CLIC5: variants seen among roughly 807,000 people sequenced by gnomAD.
CLIC5 encodes CLIC family member 5.
Under a neutral mutation model 24.7 loss-of-function variants are expected in CLIC5, and 20 were observed. That is an observed-to-expected ratio of 0.81 (90% confidence interval 0.57 to 1.18). The LOEUF is 1.18. CLIC5 is among the 50% of genes most tolerant of loss of function. CLIC5 has a pLI of 0.00. For synonymous variants in CLIC5, 159 were observed against 135.6 expected (o/e 1.17, Z -1.20); for missense variants, 341 against 326.1 (o/e 1.05, Z -0.35).
At chr6:45,987,324 A>G (rs978033090) in intron 1 of CLIC5, among the ~76,000 whole-genome samples, 1 of 152,182 alleles carries the variant, frequency 6.6e-6, no homozygotes, top group Admixed American at 6.5e-5. Context: ...GTTGGTGTGC[A>G]CACCTAAGCT....
At chr6:45,979,081 C>G (rs1009861310) in intron 1 of CLIC5, among the ~76,000 whole-genome samples, 3 of 152,086 alleles carry the variant, frequency 2.0e-5, no homozygotes, top group Non-Finnish European at 2.9e-5. Flanking sequence ...GGTTAGACAA[C>G]ACTAAGTGGA....
At chr6:45,957,807 ATTGT>A (rs1421778111) in intron 1 of CLIC5, among the ~76,000 whole-genome samples, 2 of 152,190 alleles carry the variant, frequency 1.3e-5, no homozygotes, top group African/African-American at 4.8e-5. Flanking sequence ...GCCCTAAGAA[ATTGT>A]TTGTTAAACT....
the CLIC5 span, among the ~76,000 whole-genome samples, chr6:46,093,503 C>T: frequency 3.9e-5 from 6 of 152,248 alleles, no homozygotes; most frequent in Admixed American, 1.3e-4. Context: ...TTTTGCATAA[C>T]ATTTTGCACA....
intron 1 of CLIC5, among the ~76,000 whole-genome samples, chr6:45,956,550 G>T (rs1231235014): frequency 6.6e-6 from 1 of 151,256 alleles, no homozygotes; most frequent in Non-Finnish European, 1.5e-5. Context: ...CTCCCTTGAG[G>T]TTTGTTTTGC....
chr6:45,894,207 G>A (rs986654433), downstream of CLIC5, among the ~76,000 whole-genome samples: 3 of 152,218 alleles, frequency 2.0e-5, no homozygotes, highest in Non-Finnish European at 4.4e-5. Context: ...CAATACTGGT[G>A]ATGATGTGAG....
chr6:46,015,345 G>C (rs1197860963), intron 1 of CLIC5, 135 bp downstream of exon 1: 1 of 873,428 alleles, frequency 1.1e-6, no homozygotes, highest in Non-Finnish European at 1.6e-6. Context: ...GCTGGCCTGC[G>C]GAAAGGCCAC....
intron 6 of CLIC5, among the ~76,000 whole-genome samples, chr6:45,881,613 T>A (rs554336040): frequency 1.5e-3 from 223 of 152,168 alleles, no homozygotes; most frequent in Non-Finnish European, 2.8e-3. Context: ...TGTTTTGGGG[T>A]TACCAGAAAT....
chr6:46,129,352 A>G, the CLIC5 span, among the ~76,000 whole-genome samples: 2,635 of 152,328 alleles, frequency 0.017, 40 homozygotes, highest in Non-Finnish European at 0.024. Flanking sequence ...GTTTAGTTAC[A>G]TTATTCTATT....
intron 1 of CLIC5, among the ~76,000 whole-genome samples, chr6:46,071,262 A>C (rs1048597974): frequency 6.6e-6 from 1 of 152,212 alleles, no homozygotes; most frequent in Non-Finnish European, 1.5e-5. Context: ...TGAACAGCAA[A>C]AGAAACTATC....
chr6:45,994,323 A>G (rs1439226053), intron 1 of CLIC5, among the ~76,000 whole-genome samples: 2 of 152,246 alleles, frequency 1.3e-5, no homozygotes, highest in Non-Finnish European at 2.9e-5. Flanking sequence ...AAAATGAATG[A>G]GATCATGTCT....
At chr6:45,978,338 G>A (rs1765454372) in intron 1 of CLIC5, among the ~76,000 whole-genome samples, 1 of 152,104 alleles carries the variant, frequency 6.6e-6, no homozygotes, top group Admixed American at 6.5e-5. Context: ...CTCTTTGACT[G>A]GGGATGGCTA....
Position 45,974,552 on chromosome 6 carries a change from GAGAGAGAGAGAGAA to G in CLIC5, c.64-19322_64-19309del, listed in dbSNP as rs1422267377. ...AGAGAGAGAGAGAGAGAGAGAGAGA[GAGAGAGAGAGAGAA>G]AGAGAGAGAGAGAGGGCATGCCATA... On this transcript the variant is annotated intron_variant, in intron 1 of 5. Coordinates refer to ENST00000339561, the MANE Select transcript of CLIC5 (RefSeq NM_016929.5). Among the ~76,000 whole-genome samples, 63 of 139,788 alleles carry G rather than the reference GAGAGAGAGAGAGAA, an allele frequency of 4.5e-4. 1 individual carries two copies. Among genetic ancestry groups the G allele is most frequent in the African/African-American group, 1.5e-3 (54 of 36,504 alleles). 91.7% of individuals were successfully genotyped at this position (139,788 alleles called of 152,430 possible).
chr6:46,000,632 A>G (rs1480207490), intron 1 of CLIC5, among the ~76,000 whole-genome samples: 1 of 152,176 alleles, frequency 6.6e-6, no homozygotes, highest in Admixed American at 6.5e-5. Flanking sequence ...ACCTCAGGAA[A>G]CTTACAATCA....
rs115251449 is a variant in CLIC5, at chr6:45,945,236, A to G, written c.300-3583T>C. ...AGGCTCATTAGTATTATTTTTTACA[A>G]TAGCCCTATAAGATCAACAGTATGG... is the stretch of plus-strand genomic sequence containing the variant. On this transcript the variant is annotated intron_variant, in intron 3 of 5. Transcript: ENST00000339561. Among the ~76,000 whole-genome samples the G allele has an allele frequency of 7.3e-3, 1,113 of 152,326 alleles. 10 individuals are homozygous for G. The highest frequency in any genetic ancestry group is 0.013 in the Non-Finnish European group (868 of 68,030).
chr6:46,047,419 A>G lies in CLIC5; in HGVS notation c.540+32284T>C, dbSNP rs920320737. Among the ~76,000 whole-genome samples the G allele has an allele frequency of 5.9e-5, 9 of 152,316 alleles. No homozygotes were observed. In the South Asian group the frequency reaches 1.9e-3, roughly 32 times the overall value. On this transcript the variant is annotated intron_variant, in intron 1 of 5. Coordinates refer to the CLIC5 transcript ENST00000185206. The stretch of plus-strand genomic sequence containing the variant: ...GTATCCTATGGCATCAGCACCAGAA[A>G]TATGCAGGATATGAAGATTGAAATT...
intron 6 of CLIC5, among the ~76,000 whole-genome samples, chr6:45,887,868 G>A (rs962968187): frequency 3.9e-5 from 6 of 152,170 alleles, no homozygotes; most frequent in African/African-American, 1.4e-4. Context: ...GTACCTAATT[G>A]TCACAAGAAG....
intron 1 of CLIC5, among the ~76,000 whole-genome samples, chr6:46,000,581 A>G (rs1766317685): frequency 6.6e-6 from 1 of 152,218 alleles, no homozygotes; most frequent in Non-Finnish European, 1.5e-5. Flanking sequence ...TTTATAAAGA[A>G]AAGAGGTTTA....
chr6:46,040,717 T>C (rs1218352064), intron 1 of CLIC5, among the ~76,000 whole-genome samples: 2 of 152,086 alleles, frequency 1.3e-5, no homozygotes, highest in African/African-American at 4.8e-5. Context: ...GTGATAGTAG[T>C]GGCTGTGGTG....
At chr6:46,075,896 C>T (rs1012723124) in intron 1 of CLIC5, among the ~76,000 whole-genome samples, 1 of 152,134 alleles carries the variant, frequency 6.6e-6, no homozygotes. Context: ...TCAACCATGG[C>T]TCTTTATTTT....
Sources: allele counts gnomAD v4.1 joint callset (sites outside exome capture counted in the v4.1 genomes callset), GRCh38; gene constraint gnomAD v4.1.1; transcripts MANE v1.5; gene names NCBI Gene and HGNC (gene_info 2026-07-23, HGNC 2026-07-21).